SCAF11: variants seen among roughly 807,000 people sequenced by gnomAD.
SCAF11 encodes the protein protein SCAF11.
In SCAF11, 47 loss-of-function variants were observed where a neutral mutation model predicts 140.5. The observed-to-expected ratio is 0.33, with a 90% CI of 0.26 to 0.43. The LOEUF (loss-of-function observed/expected upper bound fraction) is 0.43. SCAF11 is among the 20% of genes least tolerant of loss of function. The probability of loss-of-function intolerance (pLI) is 1.00; values close to 1 mark genes in which losing one functional copy is unlikely to be tolerated. For synonymous variants in SCAF11, 557 were observed against 579.4 expected (o/e 0.96, Z 0.55); for missense variants, 1,645 against 1,705.1 (o/e 0.96, Z 0.62).
rs781465132 is a variant in SCAF11 at position 45,928,572 on chromosome 12, C to T, written c.1129G>A (p.Val377Ile). The T allele has an allele frequency of 5.0e-6, 8 of 1,614,040 alleles. No individual in the cohort carries two copies. The African/African-American group carries it at 6.7e-5, about 13-fold the overall frequency. The change falls in exon 11 of 15, where the codon GTA (valine) becomes ATA (isoleucine). Residue 377 changes from valine to isoleucine, a missense_variant. Transcript: ENST00000369367. Reference protein sequence around the residue: ...QTRQAPKRKSVRRGRKPPLLK... With the variant: ...QTRQAPKRKSIRRGRKPPLLK... ...AAAGGTGGTTTTCTTCCTCTTCTTA[C>T]AGACTTCCGTTTTGGAGCCTGTCTT...
chr12:45,940,796 C>T (rs1434211579), intron 6 of SCAF11, among the ~76,000 whole-genome samples: 1 of 152,058 alleles, frequency 6.6e-6, no homozygotes, highest in East Asian at 1.9e-4. Context: ...CCTTTTCAGT[C>T]TTATTTCCTT....
chr12:45,937,961 C>CT (rs1311221731), intron 6 of SCAF11, among the ~76,000 whole-genome samples: 1 of 152,196 alleles, frequency 6.6e-6, no homozygotes, highest in Non-Finnish European at 1.5e-5. Context: ...CCCCATATCT[C>CT]TGCCTTCACA....
At chr12:45,943,604 C>G (rs1005898028) in intron 6 of SCAF11, among the ~76,000 whole-genome samples, 6 of 151,262 alleles carry the variant, frequency 4.0e-5, no homozygotes, top group African/African-American at 1.5e-4. Context: ...TAGTTTCAGG[C>G]ATCTACTTGG....
At chr12:45,940,718 A>C (rs1945275944) in intron 6 of SCAF11, among the ~76,000 whole-genome samples, 1 of 152,248 alleles carries the variant, frequency 6.6e-6, no homozygotes, top group East Asian at 1.9e-4. Context: ...AGTTTATCTA[A>C]AACAGTTTCA....
intron 6 of SCAF11, among the ~76,000 whole-genome samples, chr12:45,939,971 A>G (rs1257735499): frequency 2.0e-5 from 3 of 152,210 alleles, no homozygotes; most frequent in Admixed American, 6.5e-5. Context: ...TTGCTTAGTC[A>G]TCAAATGTCA....
At chr12:45,988,662 C>T (rs1946518180) in intron 1 of SCAF11, among the ~76,000 whole-genome samples, 1 of 152,208 alleles carries the variant, frequency 6.6e-6, no homozygotes, top group African/African-American at 2.4e-5. Context: ...TTTAAATTTT[C>T]TTCTACAGTT....
At chr12:45,956,609 T>C (rs1945697256) in intron 3 of SCAF11, among the ~76,000 whole-genome samples, 1 of 152,156 alleles carries the variant, frequency 6.6e-6, no homozygotes, top group Non-Finnish European at 1.5e-5. Flanking sequence ...CAAATGGCTG[T>C]CAGTGATAAA....
At chr12:45,980,773 ACT>A (rs1410030562) in intron 1 of SCAF11, among the ~76,000 whole-genome samples, 2 of 152,062 alleles carry the variant, frequency 1.3e-5, no homozygotes, top group African/African-American at 4.8e-5. Flanking sequence ...TTAGTGAGTG[ACT>A]CTCATGCCCT....
intron 8 of SCAF11, 73 bp downstream of exon 8, chr12:45,934,103 A>G: frequency 1.1e-6 from 1 of 877,746 alleles, no homozygotes; most frequent in Non-Finnish European, 1.6e-6. Flanking sequence ...CCAGAGTTTA[A>G]ATTTCTAGCA....
rs535246795 is a variant in SCAF11 at position 45,986,937 on chromosome 12, C to T, written c.-22+3416G>A. Among the ~76,000 whole-genome samples the T allele has an allele frequency of 6.8e-4, 104 of 152,184 alleles. 1 individual carries two copies. Among genetic ancestry groups the T allele is most frequent in the Non-Finnish European group, 7.4e-4 (50 of 68,024 alleles). ...AATTATACCTCTTTTTCTTCCCAGT[C>T]TCAGGTATGTCAGCAGCATGAAATC... On this transcript the variant is annotated intron_variant, in intron 1 of 14. Transcript: ENST00000369367.
rs757286275 is a variant in SCAF11, at chr12:45,928,868, A to AT, written c.842-10dup. Reference sequence around the variant, plus strand: ...TCCCTTGCAAGAAGTACCTAATAATATTTAAAAAAAAAAAAAAAGTAAAAA... The same window carrying AT: ...TCCCTTGCAAGAAGTACCTAATAATATTTTAAAAAAAAAAAAAAAGTAAAAA... On this transcript the variant is annotated splice_polypyrimidine_tract_variant and intron_variant, in intron 10 of 14. Coordinates refer to ENST00000369367, the MANE Select transcript of SCAF11 (RefSeq NM_004719.3). The AT allele has an allele frequency of 1.2e-4, 166 of 1,334,144 alleles. No homozygotes were observed. The highest frequency in any genetic ancestry group is 2.4e-4 in the Middle Eastern group (1 of 4,148). The allele number at this position is 1,334,144 out of a possible 1,614,324, so 82.6% of individuals were successfully genotyped here. A position where few individuals can be genotyped will look rare whatever the true frequency, so the allele number is the denominator to read the frequency against.
At chr12:45,943,761 T>C (rs1343420546) in intron 6 of SCAF11, among the ~76,000 whole-genome samples, 2 of 152,298 alleles carry the variant, frequency 1.3e-5, no homozygotes, top group Non-Finnish European at 1.5e-5. Context: ...TATTTCTGCC[T>C]ATCCTAAACC....
At position 45,948,445 on chromosome 12, in the gene SCAF11, G is replaced by C; in HGVS notation, c.390C>G (p.Ser130Arg). ...TAAAGTTAATCACTAACCTTATACA[G>C]CTTTTAGAATTTTCATGACAGGAGA... Reference protein sequence around the residue: ...KQVSCHENSKSCIRRKAIVRE... With the variant: ...KQVSCHENSKRCIRRKAIVRE... Residue 130 changes from serine to arginine, a missense_variant, in exon 5 of 15, where the codon AGC becomes AGG. Around this residue, in one of 2 missense-constraint regions of SCAF11, gnomAD observed 1,582 missense variants for 1,609.2 expected, o/e 0.98. Coordinates refer to ENST00000369367, the MANE Select transcript of SCAF11 (RefSeq NM_004719.3). 6.2e-7 allele frequency: 1 copy of C among 1,603,902 alleles called. No homozygotes were observed.
At chr12:45,955,596 C>T (rs186198626) in intron 3 of SCAF11, 155 of 152,750 alleles carry the variant, frequency 1.0e-3, no homozygotes, top group Non-Finnish European at 2.0e-3. Context: ...TAAAAGTTCA[C>T]ATTTTAAACT....
At chr12:45,945,340 G>T (rs771865643) in intron 5 of SCAF11, 27 bp from the exon 6 acceptor site, 3 of 1,362,060 alleles carry the variant, frequency 2.2e-6, no homozygotes, top group South Asian at 2.5e-5. Context: ...AGACAGGAAA[G>T]AATTAAGAAA....
At chr12:45,923,200 T>A in intron 12 of SCAF11, 46 bp from the exon 13 acceptor site, 1 of 1,531,210 alleles carries the variant, frequency 6.5e-7, no homozygotes, top group South Asian at 1.1e-5. Flanking sequence ...TTGTACTCGA[T>A]AGAAGTCTTT....
intron 5 of SCAF11, among the ~76,000 whole-genome samples, chr12:45,946,943 A>G (rs1454436727): frequency 6.6e-6 from 1 of 152,204 alleles, no homozygotes; most frequent in Non-Finnish European, 1.5e-5. Context: ...GTATTTTTCT[A>G]GCAGAAGGGA....
chr12:45,953,210 C>T (rs1945591597), intron 3 of SCAF11, among the ~76,000 whole-genome samples: 1 of 152,154 alleles, frequency 6.6e-6, no homozygotes, highest in East Asian at 1.9e-4. Flanking sequence ...GAAAACTTGA[C>T]CTTAAGAAGG....
intron 10 of SCAF11, 92 bp downstream of exon 10, chr12:45,931,414 C>T: frequency 1.6e-6 from 1 of 616,386 alleles, no homozygotes; most frequent in Non-Finnish European, 2.6e-6. Flanking sequence ...TACTTTACAG[C>T]TTTTCTAAGT....
Sources: gnomAD v4.1 joint callset for allele counts (sites outside exome capture counted in the v4.1 genomes callset) on GRCh38, gnomAD v4.1.1 for gene constraint, gnomAD v4.1.1 regional missense constraint, MANE v1.5 for transcripts, NCBI Gene and HGNC (gene_info 2026-07-23, HGNC 2026-07-21) for gene names.